Variants in PLEKHA1 observed in about 807,000 individuals in gnomAD.
PLEKHA1 encodes the protein pleckstrin homology domain containing A1.
In PLEKHA1, 34 loss-of-function variants were observed where a neutral mutation model predicts 52.0. The observed-to-expected ratio is 0.65, with a 90% CI of 0.50 to 0.87. The LOEUF (loss-of-function observed/expected upper bound fraction) is 0.87. PLEKHA1 is among the 40% of genes least tolerant of loss of function. PLEKHA1 has a pLI of 0.00. For missense variants in PLEKHA1, 497 were observed against 504.2 expected (o/e 0.99, Z 0.14); for synonymous variants, 163 against 170.7 (o/e 0.95, Z 0.35).
chr10:122,414,233 G>C (rs1337503437), intron 6 of PLEKHA1, among the ~76,000 whole-genome samples: 4 of 152,012 alleles, frequency 2.6e-5, no homozygotes, highest in African/African-American at 9.7e-5. Flanking sequence ...CTATTTTCCT[G>C]TAGTTGTGTT....
chr10:122,388,958 A>G (rs1415494907), intron 1 of PLEKHA1, among the ~76,000 whole-genome samples: 5 of 152,212 alleles, frequency 3.3e-5, no homozygotes, highest in Admixed American at 1.3e-4. Flanking sequence ...TGTTTCTGCC[A>G]TATTTGTAGT....
chr10:122,397,758 T>A (rs560419308), intron 2 of PLEKHA1, among the ~76,000 whole-genome samples, 160 bp from the exon 3 acceptor site: 1 of 152,208 alleles, frequency 6.6e-6, no homozygotes, highest in Non-Finnish European at 1.5e-5. Context: ...TGGACTTGAT[T>A]TCAGACCTAG....
At chr10:122,398,173 G>A (rs2096876697) in intron 3 of PLEKHA1, among the ~76,000 whole-genome samples, 199 bp downstream of exon 3, 1 of 152,052 alleles carries the variant, frequency 6.6e-6, no homozygotes, top group African/African-American at 2.4e-5. Context: ...TTAACTTACA[G>A]GATGTGGCAA....
chr10:122,381,486 A>G (rs1391851846), intron 1 of PLEKHA1, among the ~76,000 whole-genome samples: 1 of 152,056 alleles, frequency 6.6e-6, no homozygotes, highest in Non-Finnish European at 1.5e-5. Context: ...CTGGTTGTTT[A>G]AAAGTGTGTA....
At chr10:122,379,806 A>G (rs924365717) in intron 1 of PLEKHA1, among the ~76,000 whole-genome samples, 1 of 152,214 alleles carries the variant, frequency 6.6e-6, no homozygotes, top group African/African-American at 2.4e-5. Context: ...GGGCCTGTTG[A>G]GGTCTCACTG....
At position 122,421,397 on chromosome 10, in the gene PLEKHA1, A is replaced by G. The variant is rs372676553; in HGVS notation, c.682-2802A>G. On this transcript the variant is annotated intron_variant, in intron 8 of 11. Coordinates refer to ENST00000368990, the MANE Select transcript of PLEKHA1 (RefSeq NM_001001974.4). ...GAACTGTTCCAGACTGAGGGAAAGA[A>G]AATATTTGACAAGCAGATGGTATTC... 4 of 152,198 alleles carry G rather than the reference A, an allele frequency of 2.6e-5. No individual in the cohort carries two copies. The East Asian group carries it at 7.7e-4, about 29-fold the overall frequency. 9.4% of individuals were successfully genotyped at this position (152,198 alleles called of 1,614,324 possible).
At position 122,428,539 on chromosome 10, in the gene PLEKHA1, A is replaced by G. The variant is rs1006567772; in HGVS notation, c.901-1085A>G. 9 of 923,956 alleles carry G rather than the reference A, an allele frequency of 9.7e-6. No homozygotes were observed. The African/African-American group carries it at 1.5e-4, about 16-fold the overall frequency. 57.2% of individuals were successfully genotyped at this position (923,956 alleles called of 1,614,324 possible). On this transcript the variant is annotated intron_variant, in intron 11 of 11. Transcript: ENST00000368990. ...TGTATTTAAAAATAAAAAATAAAAC[A>G]TACAACTTTACTAACAGAAAGAGAC...
Position 122,380,229 on chromosome 10 carries a change from G to A in PLEKHA1, c.-21+5423G>A, listed in dbSNP as rs534672908. 7.2e-5 allele frequency among the ~76,000 whole-genome samples: 11 copies of A among 152,206 alleles called. No individual in the cohort carries two copies. In the Middle Eastern group the frequency reaches 0.01, roughly 141 times the overall value. ...GTAATTATGGGTTACTTCATCCGTCGTTCAACAAATAGTTACTGAGGGTCT... is the reference window on the plus strand; with the variant it reads ...GTAATTATGGGTTACTTCATCCGTCATTCAACAAATAGTTACTGAGGGTCT... On this transcript the variant is annotated intron_variant, in intron 1 of 11. Coordinates refer to ENST00000368990, the MANE Select transcript of PLEKHA1 (RefSeq NM_001001974.4).
chr10:122,394,092 T>TGG (rs371320665), intron 2 of PLEKHA1, among the ~76,000 whole-genome samples: 6 of 110,736 alleles, frequency 5.4e-5, no homozygotes, highest in Middle Eastern at 9.3e-3. Flanking sequence ...TTTTTTTTTT[T>TGG]TTTGAGATGG....
At position 122,427,009 on chromosome 10, in the gene PLEKHA1, G is replaced by T; in HGVS notation, c.878G>T (p.Gly293Val). Residue 293 changes from glycine (G) to valine (V), a missense_variant, in exon 11 of 12, where the codon GGT (glycine) becomes GTT (valine). By Grantham distance (109) the Gly-to-Val change is moderately radical. Transcript: ENST00000368990. ...AVSGAIVAQR[G>V]PGRSASSEHP... ...TCTGGCGCCATTGTAGCACAGCGGG[G>T]TCCCGGCAGATCTGCGTCTTCTGTA... 1 of 1,613,940 alleles carries T rather than the reference G, an allele frequency of 6.2e-7. No homozygotes were observed. The highest frequency in any genetic ancestry group is 8.5e-7 in the Non-Finnish European group (1 of 1,179,852).
chr10:122,391,422 C>T lies in PLEKHA1; in HGVS notation c.-20-1759C>T, dbSNP rs531377190. 7.9e-5 allele frequency among the ~76,000 whole-genome samples: 12 copies of T among 152,066 alleles called. No individual in the cohort carries two copies. In the South Asian group the frequency reaches 2.5e-3, roughly 32 times the overall value. ...GGTTTTAGCTCTTAAATTGTTAATCCATTTTGAGTTAATTTTTATAAATGG... is the reference window on the plus strand; with the variant it reads ...GGTTTTAGCTCTTAAATTGTTAATCTATTTTGAGTTAATTTTTATAAATGG... On this transcript the variant is annotated intron_variant, in intron 1 of 11. Coordinates refer to ENST00000368990, the MANE Select transcript of PLEKHA1 (RefSeq NM_001001974.4).
intron 1 of PLEKHA1, among the ~76,000 whole-genome samples, chr10:122,382,422 G>A (rs1208050159): frequency 2.0e-5 from 3 of 152,190 alleles, no homozygotes; most frequent in African/African-American, 7.2e-5. Flanking sequence ...CTAGCTTCTA[G>A]ATTCAATAGA....
chr10:122,437,361 GATC>G, the PLEKHA1 span: 2 of 152,174 alleles, frequency 1.3e-5, no homozygotes, highest in African/African-American at 4.8e-5. Context: ...TGATGGAAAA[GATC>G]ATGATTGCAG....
At chr10:122,384,997 C>G (rs374295887) in intron 1 of PLEKHA1, among the ~76,000 whole-genome samples, 2 of 151,926 alleles carry the variant, frequency 1.3e-5, no homozygotes, top group African/African-American at 4.8e-5. Context: ...GGATTTTTAA[C>G]CTTTTGAAGT....
At chr10:122,385,696 C>T (rs7068487) in intron 1 of PLEKHA1, among the ~76,000 whole-genome samples, 47,734 of 152,054 alleles carry the variant, frequency 0.31, 8,109 homozygotes, top group Non-Finnish European at 0.4. Context: ...TTCCTTTTTA[C>T]GGTAGAGCAG....
chr10:122,422,797 A>G (rs185916001), intron 8 of PLEKHA1: 29 of 152,340 alleles, frequency 1.9e-4, no homozygotes, highest in Admixed American at 8.5e-4. Flanking sequence ...TCCAGTTTTC[A>G]TAATTGCACT....
chr10:122,394,857 G>A (rs1420944908), intron 2 of PLEKHA1, among the ~76,000 whole-genome samples: 1 of 152,090 alleles, frequency 6.6e-6, no homozygotes, highest in Non-Finnish European at 1.5e-5. Flanking sequence ...ATTTTTCTGT[G>A]TTCCTACATA....
Position 122,430,528 on chromosome 10 carries a change from AG to A in PLEKHA1, c.*593del, listed in dbSNP as rs1341593001. On this transcript the variant is annotated 3_prime_UTR_variant, in exon 12 of 12. Coordinates refer to ENST00000368990, the MANE Select transcript of PLEKHA1 (RefSeq NM_001001974.4). Reference sequence around the variant, plus strand: ...AGAGGATATGGATAGACCAACAGTAAGGGTTGTGGGTTATACCGGCATAGAG... The same window carrying A: ...AGAGGATATGGATAGACCAACAGTAAGGTTGTGGGTTATACCGGCATAGAG... 2.6e-5 allele frequency: 4 copies of A among 152,724 alleles called. No homozygotes were observed. The highest frequency in any genetic ancestry group is 5.9e-5 in the Non-Finnish European group (4 of 68,132). 9.5% of individuals were successfully genotyped at this position (152,724 alleles called of 1,614,324 possible).
chr10:122,396,691 G>C (rs958858214), intron 2 of PLEKHA1, among the ~76,000 whole-genome samples: 1 of 151,986 alleles, frequency 6.6e-6, no homozygotes, highest in Non-Finnish European at 1.5e-5. Context: ...TATAAAGTCA[G>C]TTGAAAAGTT....
Sources: gnomAD v4.1 joint callset for allele counts (sites outside exome capture counted in the v4.1 genomes callset) on GRCh38, gnomAD v4.1.1 for gene constraint, MANE v1.5 for transcripts, NCBI Gene and HGNC (gene_info 2026-07-23, HGNC 2026-07-21) for gene names.